The following STXBP6 variants were observed in gnomAD, a reference collection of about 807,000 sequenced individuals.
STXBP6 encodes syntaxin-binding protein 6.
Under a neutral mutation model 26.9 loss-of-function variants are expected in STXBP6, and 21 were observed. The observed-to-expected ratio is 0.78, with a 90% CI of 0.55 to 1.12. STXBP6 has a LOEUF of 1.12. Among genes scored for constraint, STXBP6 ranks in the 50% most tolerant of loss-of-function variants. The pLI, the probability that STXBP6 is intolerant of heterozygous loss-of-function variation, is 0.00. For missense variants in STXBP6, 232 were observed against 257.9 expected, an observed-to-expected ratio of 0.90 and a Z score of 0.69; for synonymous variants, 97 against 92.6, an observed-to-expected ratio of 1.05 and a Z score of -0.27.
At chr14:25,042,974 G>T (rs920311029) in intron 1 of STXBP6, among the ~76,000 whole-genome samples, 1 of 152,206 alleles carries the variant, frequency 6.6e-6, no homozygotes, top group Non-Finnish European at 1.5e-5. Context: ...AAAAGAGGGA[G>T]GAGGCAGTCT....
intron 4 of STXBP6, among the ~76,000 whole-genome samples, chr14:24,850,970 G>A (rs956226596): frequency 6.6e-6 from 1 of 152,058 alleles, no homozygotes; most frequent in Non-Finnish European, 1.5e-5. Flanking sequence ...GGTTTGCAAA[G>A]AACCTACTTT....
intron 1 of STXBP6, among the ~76,000 whole-genome samples, chr14:24,976,957 G>A (rs531663057): frequency 9.2e-5 from 13 of 140,608 alleles, no homozygotes; most frequent in East Asian, 4.4e-4. Flanking sequence ...CCACTTCTCC[G>A]GTTCAATCGA....
At chr14:24,974,975 C>T (rs147616302) in intron 1 of STXBP6, 125 bp from the exon 2 acceptor site, 371 of 561,538 alleles carry the variant, frequency 6.6e-4, no homozygotes, top group African/African-American at 6.4e-3. Context: ...CTCATAATTG[C>T]TTGAAATGTA....
chr14:25,037,486 T>C (rs974634702), intron 1 of STXBP6, among the ~76,000 whole-genome samples: 2 of 152,186 alleles, frequency 1.3e-5, no homozygotes, highest in African/African-American at 4.8e-5. Flanking sequence ...ATCATTCAAA[T>C]GGCATCTTCT....
chr14:24,894,942 T>C (rs2070935359), intron 2 of STXBP6, among the ~76,000 whole-genome samples: 1 of 152,112 alleles, frequency 6.6e-6, no homozygotes, highest in Non-Finnish European at 1.5e-5. Context: ...TTCCATATCA[T>C]ATCCCACTGG....
chr14:24,974,587 A>G, intron 2 of STXBP6, 78 bp downstream of exon 2: 3 of 1,330,462 alleles, frequency 2.3e-6, no homozygotes, highest in Non-Finnish European at 3.0e-6. Flanking sequence ...CTGTGAATGT[A>G]AACCTCCTGG....
At chr14:24,864,624 GA>G (rs761351294) in intron 2 of STXBP6, among the ~76,000 whole-genome samples, 142 of 150,944 alleles carry the variant, frequency 9.4e-4, no homozygotes, top group African/African-American at 3.1e-3. Context: ...ATTCCAAAGG[GA>G]AAAAAAAGGG....
At chr14:24,878,552 C>T (rs889866392) in intron 2 of STXBP6, 5 of 156,900 alleles carry the variant, frequency 3.2e-5, no homozygotes, top group African/African-American at 9.6e-5. Flanking sequence ...ACCTTCAATC[C>T]TTTCAGAGAG....
intron 2 of STXBP6, among the ~76,000 whole-genome samples, chr14:24,948,266 C>T (rs1331037685): frequency 6.6e-6 from 1 of 152,040 alleles, no homozygotes; most frequent in African/African-American, 2.4e-5. Context: ...GTGGCATTAC[C>T]TGGTACCTGG....
chr14:25,010,075 TTGGGAATCACTG>T (rs1566559066), intron 1 of STXBP6, among the ~76,000 whole-genome samples: 1 of 152,220 alleles, frequency 6.6e-6, no homozygotes, highest in East Asian at 1.9e-4. Flanking sequence ...TCATTCCTCT[TTGGGAATCACTG>T]ATATGAGAGA....
At chr14:24,857,608 CTAGTTT>C (rs1430232065) in intron 2 of STXBP6, among the ~76,000 whole-genome samples, 1 of 151,930 alleles carries the variant, frequency 6.6e-6, no homozygotes, top group Non-Finnish European at 1.5e-5. Flanking sequence ...AGGTATATTT[CTAGTTT>C]TATAGTCCAG....
At chr14:24,827,791 A>G (rs1373302887) in intron 4 of STXBP6, among the ~76,000 whole-genome samples, 1 of 152,146 alleles carries the variant, frequency 6.6e-6, no homozygotes, top group Non-Finnish European at 1.5e-5. Context: ...ACAACCAAGA[A>G]GGCCTTTCTT....
At chr14:25,039,099 A>G (rs556322879) in intron 1 of STXBP6, among the ~76,000 whole-genome samples, 1 of 152,352 alleles carries the variant, frequency 6.6e-6, no homozygotes, top group African/African-American at 2.4e-5. Flanking sequence ...ACATATACAT[A>G]TATCAAAACA....
chr14:25,014,225 T>C (rs1321320600), intron 1 of STXBP6, among the ~76,000 whole-genome samples: 3 of 152,194 alleles, frequency 2.0e-5, no homozygotes, highest in Admixed American at 6.5e-5. Context: ...CTGGGTGTGG[T>C]GGCTCACGCC....
intron 2 of STXBP6, among the ~76,000 whole-genome samples, chr14:24,867,409 A>C (rs1221124702): frequency 6.6e-6 from 1 of 152,228 alleles, no homozygotes; most frequent in African/African-American, 2.4e-5. Context: ...AAATGGATCA[A>C]GACAATAAAC....
chr14:24,931,104 C>T (rs1313305327), intron 2 of STXBP6, among the ~76,000 whole-genome samples: 22 of 69,654 alleles, frequency 3.2e-4, no homozygotes, highest in East Asian at 1.3e-3. Flanking sequence ...GGCGACAGAG[C>T]GAGACTCCGT....
chr14:24,933,702 C>G (rs886809332), intron 2 of STXBP6, among the ~76,000 whole-genome samples: 4 of 152,062 alleles, frequency 2.6e-5, no homozygotes, highest in African/African-American at 9.7e-5. Flanking sequence ...GTTGTCTCTA[C>G]TTGAATACCA....
chr14:25,015,798 A>C (rs947673944), intron 1 of STXBP6, among the ~76,000 whole-genome samples: 1 of 141,376 alleles, frequency 7.1e-6, no homozygotes, highest in African/African-American at 2.9e-5. Flanking sequence ...AACAACAACA[A>C]GGAAAAAAAA....
intron 2 of STXBP6, among the ~76,000 whole-genome samples, chr14:24,862,880 A>C (rs571937491): frequency 6.6e-6 from 1 of 152,294 alleles, no homozygotes; most frequent in South Asian, 2.1e-4. Flanking sequence ...CCTGCCCTAC[A>C]CCAACTTTGC....
Sources: gnomAD v4.1 joint callset for allele counts (sites outside exome capture counted in the v4.1 genomes callset) on GRCh38, gnomAD v4.1.1 for gene constraint, MANE v1.5 for transcripts, NCBI Gene and HGNC (gene_info 2026-07-23, HGNC 2026-07-21) for gene names.